GRAMD1B: variants seen among roughly 807,000 people sequenced by gnomAD.
The protein encoded by GRAMD1B is protein Aster-B.
Under a neutral mutation model 99.7 loss-of-function variants are expected in GRAMD1B, and 37 were observed. The observed-to-expected ratio is 0.37, with a 90% confidence interval of 0.29 to 0.49. The LOEUF (loss-of-function observed/expected upper bound fraction) is 0.49, where lower values mean the gene tolerates loss of function less well. GRAMD1B is among the 20% of genes least tolerant of loss of function. The pLI is 0.98. For synonymous variants in GRAMD1B, 427 were observed against 387.6 expected (o/e 1.10, Z -1.19); for missense variants, 888 against 1,009.2 (o/e 0.88, Z 1.63).
At chr11:123,468,098 G>A (rs924041678) in intron 1 of GRAMD1B, among the ~76,000 whole-genome samples, 25 of 152,098 alleles carry the variant, frequency 1.6e-4, no homozygotes, top group Non-Finnish European at 2.8e-4. Flanking sequence ...TCTTGACCTC[G>A]TGATCCACCC....
chr11:123,562,447 A>G (rs1016677125), intron 2 of GRAMD1B, among the ~76,000 whole-genome samples: 1 of 152,204 alleles, frequency 6.6e-6, no homozygotes, highest in Admixed American at 6.5e-5. Flanking sequence ...CAGCTACTCA[A>G]TTCTGCTTTG....
chr11:123,618,098 G>T (rs780749570), intron 17 of GRAMD1B, among the ~76,000 whole-genome samples: 1 of 152,194 alleles, frequency 6.6e-6, no homozygotes, highest in Non-Finnish European at 1.5e-5. Context: ...TAGGTCCTAA[G>T]GTTGGGTTGG....
At chr11:123,387,772 C>T (rs953418676) in intron 1 of GRAMD1B, among the ~76,000 whole-genome samples, 1 of 144,290 alleles carries the variant, frequency 6.9e-6, no homozygotes, top group East Asian at 2.2e-4. Flanking sequence ...AATGTGCAAC[C>T]CTTTTTTCTT....
intron 1 of GRAMD1B, among the ~76,000 whole-genome samples, chr11:123,401,015 C>T (rs1447528637): frequency 1.3e-5 from 2 of 152,176 alleles, no homozygotes; most frequent in Non-Finnish European, 2.9e-5. Flanking sequence ...TGCTCTCTCT[C>T]TCTAACAATA....
chr11:123,614,679 G>A, intron 16 of GRAMD1B, 66 bp from the exon 17 acceptor site: 1 of 888,104 alleles, frequency 1.1e-6, no homozygotes, highest in Non-Finnish European at 1.9e-6. Context: ...TTTGACCAGT[G>A]TCCCCACCAG....
intron 2 of GRAMD1B, among the ~76,000 whole-genome samples, chr11:123,525,233 G>C (rs1324141334): frequency 6.6e-6 from 1 of 152,232 alleles, no homozygotes; most frequent in East Asian, 1.9e-4. Context: ...AGCAGGAGGA[G>C]AGAGCTGTGC....
chr11:123,416,093 C>A (rs956851905), intron 1 of GRAMD1B, among the ~76,000 whole-genome samples: 13 of 152,160 alleles, frequency 8.5e-5, no homozygotes, highest in Admixed American at 6.5e-5. Flanking sequence ...TAGCTTAATA[C>A]AAAACCTAGC....
chr11:123,423,388 A>G (rs7127799), intron 1 of GRAMD1B, among the ~76,000 whole-genome samples: 15 of 151,942 alleles, frequency 9.9e-5, no homozygotes, highest in African/African-American at 3.6e-4. Flanking sequence ...TCCCACTCCA[A>G]CCACAAGTAA....
At chr11:123,439,983 C>T (rs1215345105) in intron 1 of GRAMD1B, among the ~76,000 whole-genome samples, 2 of 152,200 alleles carry the variant, frequency 1.3e-5, no homozygotes, top group East Asian at 3.9e-4. Flanking sequence ...CTTTTTGCAG[C>T]CATAGAAAAA....
intron 1 of GRAMD1B, chr11:123,459,993 C>T (rs1483027866): frequency 6.6e-6 from 1 of 152,190 alleles, no homozygotes; most frequent in African/African-American, 2.4e-5. Flanking sequence ...ACCCTTGTCC[C>T]TTCAAGTTCA....
At chr11:123,441,828 A>G (rs1487445781) in intron 1 of GRAMD1B, among the ~76,000 whole-genome samples, 5 of 151,986 alleles carry the variant, frequency 3.3e-5, no homozygotes, top group Non-Finnish European at 7.4e-5. Context: ...TCAACATGCT[A>G]TTTGGAGGGG....
chr11:123,432,942 G>A (rs1948968708), intron 1 of GRAMD1B, among the ~76,000 whole-genome samples: 1 of 152,192 alleles, frequency 6.6e-6, no homozygotes, highest in Non-Finnish European at 1.5e-5. Flanking sequence ...GCTTTGTTCC[G>A]TGGATTTTTG....
At chr11:123,447,504 G>A (rs1344283158) in intron 1 of GRAMD1B, among the ~76,000 whole-genome samples, 2 of 152,186 alleles carry the variant, frequency 1.3e-5, no homozygotes, top group Non-Finnish European at 2.9e-5. Context: ...TGGGGACAGG[G>A]TGACAGTTTT....
At chr11:123,619,789 A>G (rs192122054) in intron 19 of GRAMD1B, among the ~76,000 whole-genome samples, 1 of 152,338 alleles carries the variant, frequency 6.6e-6, no homozygotes, top group African/African-American at 2.4e-5. Context: ...TAATTAGCCT[A>G]GTTTCCTTGG....
chr11:123,395,631 C>T (rs1947432357), intron 1 of GRAMD1B, among the ~76,000 whole-genome samples: 1 of 152,208 alleles, frequency 6.6e-6, no homozygotes, highest in Non-Finnish European at 1.5e-5. Context: ...TCTTAGCTTT[C>T]CATTACAACC....
At chr11:123,374,026 C>T (rs959242021) in intron 1 of GRAMD1B, among the ~76,000 whole-genome samples, 4 of 152,072 alleles carry the variant, frequency 2.6e-5, no homozygotes, top group South Asian at 2.1e-4. Flanking sequence ...ACATGCTAGC[C>T]GTGTAGAGAA....
chr11:123,499,744 G>C (rs1483657045), intron 2 of GRAMD1B, among the ~76,000 whole-genome samples: 1 of 152,124 alleles, frequency 6.6e-6, no homozygotes, highest in African/African-American at 2.4e-5. Context: ...GGGAGTAGAG[G>C]TTGTTTGCGT....
At chr11:123,454,289 C>T (rs1950015488) in intron 1 of GRAMD1B, 1 of 152,202 alleles carries the variant, frequency 6.6e-6, no homozygotes, top group African/African-American at 2.4e-5. Flanking sequence ...TCCCTCTCCC[C>T]TTTAAATTTA....
intron 1 of GRAMD1B, among the ~76,000 whole-genome samples, chr11:123,467,184 G>T (rs4936810): frequency 0.76 from 116,295 of 152,030 alleles, 45,752 homozygotes; most frequent in East Asian, 0.98. Flanking sequence ...GGCATGAAAA[G>T]TTAAAGCTTA....
Sources: gnomAD v4.1 joint callset for allele counts (sites outside exome capture counted in the v4.1 genomes callset) on GRCh38, gnomAD v4.1.1 for gene constraint, MANE v1.5 for transcripts, NCBI Gene and HGNC (gene_info 2026-07-23, HGNC 2026-07-21) for gene names.